The following SEL1L variants were observed in gnomAD, a reference collection of about 807,000 sequenced individuals.
SEL1L encodes protein sel-1 homolog 1.
SEL1L carries 52 observed loss-of-function variants against 109.8 expected under a neutral mutation model. That is an observed-to-expected ratio of 0.47 (90% CI 0.38 to 0.60). SEL1L has a LOEUF of 0.60. SEL1L is among the 20% of genes least tolerant of loss of function. SEL1L has a pLI of 0.00. For synonymous variants in SEL1L, 373 were observed against 339.6 expected (o/e 1.10, Z -1.08); for missense variants, 749 against 962.2 (o/e 0.78, Z 2.93).
In SEL1L at chr14:81,485,697, T is replaced by C; in HGVS notation, c.1848A>G (p.Leu616=). ...CTTGAGAGGCGGCCCTGTTCCAATG[T>C]AGCAAAGCTCTGGGATAAGTTTCAT... ...GENETYPRAL[L]HWNRAASQGY... is the part of the protein sequence containing the mutation. Residue 616 remains leucine (L), a synonymous_variant, in exon 18 of 21, where the codon CTA becomes CTG. Transcript: ENST00000336735. The C allele has an allele frequency of 4.3e-6, 7 of 1,614,120 alleles. No individual in the cohort carries two copies. The highest frequency in any genetic ancestry group is 1.1e-5 in the South Asian group (1 of 91,076).
intron 15 of SEL1L, 151 bp downstream of exon 15, chr14:81,487,704 A>G (rs1278123420): frequency 4.3e-5 from 65 of 1,495,446 alleles, no homozygotes; most frequent in Admixed American, 7.9e-5. Context: ...ATAATTTACA[A>G]TGAAAAACAA....
chr14:81,504,500 T>TAC (rs1035015986), intron 4 of SEL1L, among the ~76,000 whole-genome samples, 194 bp from the exon 5 acceptor site: 15 of 152,020 alleles, frequency 9.9e-5, no homozygotes, highest in African/African-American at 3.1e-4. Context: ...TATATATATA[T>TAC]ACACACATAT....
chr14:81,498,390 G>T, intron 9 of SEL1L, 23 bp downstream of exon 9: 3 of 1,570,962 alleles, frequency 1.9e-6, no homozygotes, highest in South Asian at 1.2e-5. Context: ...TTTCCTAAAA[G>T]GTAAAAGGGG....
chr14:81,476,873 T>C lies in SEL1L; in HGVS notation c.*99A>G, dbSNP rs1903176307. 3.3e-6 allele frequency: 4 copies of C among 1,204,798 alleles called. No homozygotes were observed. Among genetic ancestry groups the C allele is most frequent in the Admixed American group, 2.2e-5 (1 of 45,526 alleles). 74.6% of individuals were successfully genotyped at this position (1,204,798 alleles called of 1,614,324 possible). A position where few individuals can be genotyped will look rare whatever the true frequency, so the allele number is the denominator to read the frequency against. On this transcript the variant is annotated 3_prime_UTR_variant, in exon 21 of 21. Coordinates refer to ENST00000336735, the MANE Select transcript of SEL1L (RefSeq NM_005065.6). ...ATGCTTCCTTGTGCCGTGCCTCTTC[T>C]GGGAGGTGACCACTGATCCAAGGTC...
intron 3 of SEL1L, among the ~76,000 whole-genome samples, chr14:81,509,863 T>C (rs893452120): frequency 3.3e-5 from 5 of 152,194 alleles, no homozygotes; most frequent in Non-Finnish European, 4.4e-5. Context: ...AGAGATTATG[T>C]ACAAGAGAAT....
chr14:81,497,766 T>C (rs1262941390), intron 10 of SEL1L, 126 bp downstream of exon 10: 3 of 790,440 alleles, frequency 3.8e-6, no homozygotes, highest in Admixed American at 5.8e-5. Context: ...GTGATTCTAA[T>C]ATGTAGTTCA....
chr14:81,499,288 T>A (rs1279774021), intron 8 of SEL1L, 171 bp downstream of exon 8: 2 of 1,296,188 alleles, frequency 1.5e-6, no homozygotes, highest in African/African-American at 3.1e-5. Flanking sequence ...TTCATTTACA[T>A]GTAGATTCCA....
At chr14:81,491,980 G>C (rs1483456429) in intron 12 of SEL1L, among the ~76,000 whole-genome samples, 1 of 151,658 alleles carries the variant, frequency 6.6e-6, no homozygotes, top group Non-Finnish European at 1.5e-5. Flanking sequence ...TAAGAGCTCA[G>C]TGAGAGCTAA....
At position 81,484,362 on chromosome 14, in the gene SEL1L, G is replaced by C; in HGVS notation, c.1909C>G (p.His637Asp). Residue 637 changes from histidine (H) to aspartate (D), a missense_variant, in exon 19 of 21, where the codon CAT (histidine) becomes GAT (aspartate). This residue lies in a region of SEL1L where 383 missense variants were observed against 562.5 expected (regional missense o/e 0.68). Transcript: ENST00000336735. Reference protein sequence around the residue: ...TVARIKLGDYHFYGFGTDVDY... With the variant: ...TVARIKLGDYDFYGFGTDVDY... ...ACATCGGTGCCAAACCCATAGAAAT[G>C]GTAGTCTCCGAGCTTAATTCTAGCC... The C allele has an allele frequency of 6.2e-7, 1 of 1,613,996 alleles. No homozygotes were observed.
At position 81,505,981 on chromosome 14, in the gene SEL1L, C is replaced by A. The variant is rs530908483; in HGVS notation, c.508+93G>T. ...ATCAGCAATGCTGGCCATTTCTGAC[C>A]AATGTGGAAAAAGGATGGCTAGAAA... is the stretch of plus-strand genomic sequence containing the variant. On this transcript the variant is annotated intron_variant, in intron 4 of 20. Transcript: ENST00000336735. The A allele has an allele frequency of 4.1e-4, 527 of 1,272,968 alleles. 2 individuals carry two copies. The highest frequency in any genetic ancestry group is 3.2e-4 in the East Asian group (13 of 40,544). The allele number at this position is 1,272,968 out of a possible 1,614,324, so 78.9% of individuals were successfully genotyped here.
intron 18 of SEL1L, among the ~76,000 whole-genome samples, chr14:81,484,982 G>A (rs1903475513): frequency 6.6e-6 from 1 of 152,154 alleles, no homozygotes; most frequent in Admixed American, 6.5e-5. Context: ...TAGGTTTGGA[G>A]AAGGGAACAG....
At chr14:81,507,904 C>A (rs932320807) in intron 3 of SEL1L, among the ~76,000 whole-genome samples, 1 of 152,162 alleles carries the variant, frequency 6.6e-6, no homozygotes, top group African/African-American at 2.4e-5. Context: ...GATGCAAATC[C>A]TACCACTTAT....
In SEL1L at chr14:81,489,277, T is replaced by C. The variant is rs1595507495; in HGVS notation, c.1370A>G (p.Tyr457Cys). ...AACTTGAACTCCTCTCCCATAGAGG[T>C]AGGCCATTCCAAGCCCACTCTGTCC... ...PVGQSGLGMA[Y>C]LYGRGVQVNY... is the part of the protein sequence containing the mutation. Residue 457 changes from tyrosine to cysteine, a missense_variant, in exon 14 of 21, where the codon TAC becomes TGC. By Grantham distance (194) the Tyr-to-Cys change is radical. Around this residue, in one of 2 missense-constraint regions of SEL1L, gnomAD observed 383 missense variants for 562.5 expected, o/e 0.68. Coordinates refer to ENST00000336735, the MANE Select transcript of SEL1L (RefSeq NM_005065.6). 6.8e-6 allele frequency: 11 copies of C among 1,613,992 alleles called. No individual in the cohort carries two copies. The highest frequency in any genetic ancestry group is 8.5e-6 in the Non-Finnish European group (10 of 1,179,992).
chr14:81,495,222 G>C, intron 10 of SEL1L, 85 bp from the exon 11 acceptor site: 1 of 1,205,426 alleles, frequency 8.3e-7, no homozygotes, highest in Non-Finnish European at 1.2e-6. Context: ...TGATTTGGTC[G>C]TAAAATGGCT....
intron 6 of SEL1L, among the ~76,000 whole-genome samples, chr14:81,501,173 A>G (rs1255947890): frequency 6.6e-6 from 1 of 152,230 alleles, no homozygotes; most frequent in Non-Finnish European, 1.5e-5. Context: ...GCCCATGACC[A>G]GGAGTCACTA....
Position 81,475,681 on chromosome 14 carries a change from C to T in SEL1L, c.*1291G>A, listed in dbSNP as rs777793821. On this transcript the variant is annotated 3_prime_UTR_variant, in exon 21 of 21. Coordinates refer to ENST00000336735, the MANE Select transcript of SEL1L (RefSeq NM_005065.6). The stretch of plus-strand genomic sequence containing the variant: ...TTCAGTTTAAGCTTTAATTATTTCA[C>T]GTGTGTAATTATGTGAAACTCTTCA... 2.0e-5 allele frequency: 3 copies of T among 152,256 alleles called. No homozygotes were observed. The highest frequency in any genetic ancestry group is 1.9e-4 in the East Asian group (1 of 5,188). The allele number at this position is 152,256 out of a possible 1,614,324, so 9.4% of individuals were successfully genotyped here.
chr14:81,509,337 T>C (rs747882605), intron 3 of SEL1L, among the ~76,000 whole-genome samples: 6 of 152,200 alleles, frequency 3.9e-5, no homozygotes, highest in Non-Finnish European at 7.3e-5. Flanking sequence ...ACTGCTCTGG[T>C]ATAATGAAGC....
At chr14:81,499,406 C>T in intron 8 of SEL1L, 53 bp downstream of exon 8, 2 of 1,583,232 alleles carry the variant, frequency 1.3e-6, no homozygotes, top group Non-Finnish European at 1.7e-6. Flanking sequence ...CCGCTATAAA[C>T]CACAAATTCT....
chr14:81,531,965 C>T (rs144254858), intron 1 of SEL1L, among the ~76,000 whole-genome samples: 1 of 152,310 alleles, frequency 6.6e-6, no homozygotes, highest in East Asian at 1.9e-4. Context: ...TGTTGTGGCA[C>T]AGCTTTAACT....
Sources: allele counts gnomAD v4.1 joint callset (sites outside exome capture counted in the v4.1 genomes callset), GRCh38; gene constraint gnomAD v4.1.1; regional missense constraint gnomAD v4.1.1; transcripts MANE v1.5; gene names NCBI Gene and HGNC (gene_info 2026-07-23, HGNC 2026-07-21).